The following CNTNAP2 variants were observed in gnomAD, a reference collection of about 807,000 sequenced individuals.
CNTNAP2 encodes contactin associated protein 2, also known as contactin-associated protein-like 2.
Under a neutral mutation model 155.2 loss-of-function variants are expected in CNTNAP2, and 98 were observed. The observed-to-expected ratio is 0.63, with a 90% CI of 0.54 to 0.75. The LOEUF (loss-of-function observed/expected upper bound fraction) is 0.75, where lower values mean the gene tolerates loss of function less well. Among genes scored for constraint, CNTNAP2 ranks in the 30% least tolerant of loss-of-function variants. The pLI, the probability that CNTNAP2 is intolerant of heterozygous loss-of-function variation, is 0.00. For missense variants in CNTNAP2, 1,727 were observed against 1,688.1 expected (o/e 1.02, Z -0.40); for synonymous variants, 651 against 631.2 (o/e 1.03, Z -0.47).
intron 15 of CNTNAP2, among the ~76,000 whole-genome samples, chr7:148,058,445 A>C (rs1803064634): frequency 6.6e-6 from 1 of 152,150 alleles, no homozygotes; most frequent in Non-Finnish European, 1.5e-5. Flanking sequence ...GGCTTGTAGG[A>C]GATGAGGATG....
chr7:147,502,294 C>T (rs1463822280), intron 11 of CNTNAP2, among the ~76,000 whole-genome samples: 1 of 152,124 alleles, frequency 6.6e-6, no homozygotes. Flanking sequence ...CTGGAGGAAT[C>T]ACATACTAAG....
At chr7:146,642,657 C>T (rs1799733018) in intron 1 of CNTNAP2, among the ~76,000 whole-genome samples, 1 of 151,926 alleles carries the variant, frequency 6.6e-6, no homozygotes, top group Non-Finnish European at 1.5e-5. Context: ...GATTTATAGT[C>T]CTTTGGGTAT....
At chr7:148,397,322 A>G (rs142900161) in intron 22 of CNTNAP2, among the ~76,000 whole-genome samples, 35 of 152,316 alleles carry the variant, frequency 2.3e-4, no homozygotes, top group African/African-American at 7.9e-4. Flanking sequence ...ATTGTGAAGC[A>G]ATGGGGACTG....
chr7:147,714,749 G>A (rs911708487), intron 13 of CNTNAP2, among the ~76,000 whole-genome samples: 16 of 151,958 alleles, frequency 1.1e-4, no homozygotes, highest in African/African-American at 3.9e-4. Flanking sequence ...TTTATTAAAT[G>A]TGTAGATATG....
chr7:147,284,531 A>G (rs539274320), intron 8 of CNTNAP2, among the ~76,000 whole-genome samples: 10 of 152,044 alleles, frequency 6.6e-5, no homozygotes, highest in Admixed American at 6.6e-4. Context: ...ACAAATCAAT[A>G]TTTTTAAAAT....
At chr7:146,970,892 T>A (rs1797777514) in intron 3 of CNTNAP2, among the ~76,000 whole-genome samples, 1 of 152,146 alleles carries the variant, frequency 6.6e-6, no homozygotes, top group African/African-American at 2.4e-5. Flanking sequence ...TAAAAAATGA[T>A]GCGTTCATGT....
intron 13 of CNTNAP2, among the ~76,000 whole-genome samples, chr7:147,687,847 A>G (rs1359835392): frequency 1.3e-5 from 2 of 152,140 alleles, no homozygotes; most frequent in Admixed American, 6.6e-5. Context: ...CACCTTCTCT[A>G]TGATAACATC....
rs111837635 is a variant in CNTNAP2 at position 148,222,396 on chromosome 7, C to T, written c.3247+4872C>T. On this transcript the variant is annotated intron_variant, in intron 19 of 23. Coordinates refer to ENST00000361727, the MANE Select transcript of CNTNAP2 (RefSeq NM_014141.6). ...TGAGACAGTGCAGGGCATGACATGG[C>T]GAGGTTAAGCTGCCAGCTCAGGCCT... 3.6e-3 allele frequency among the ~76,000 whole-genome samples: 554 copies of T among 152,224 alleles called. 5 individuals carry two copies. The highest frequency in any genetic ancestry group is 0.013 in the African/African-American group (524 of 41,496).
In CNTNAP2 at chr7:146,972,943, G is replaced by A. The variant is rs115603295; in HGVS notation, c.403-70964G>A. Among the ~76,000 whole-genome samples the A allele has an allele frequency of 8.6e-3, 1,313 of 152,270 alleles. 17 individuals carry two copies. The highest frequency in any genetic ancestry group is 0.03 in the African/African-American group (1,264 of 41,554). On this transcript the variant is annotated intron_variant, in intron 3 of 23. Coordinates refer to ENST00000361727, the MANE Select transcript of CNTNAP2 (RefSeq NM_014141.6). ...TGATTCTGTGCTGTCTAATACCATAGCAACTGGTCACATGTGGCTATTTAA... is the reference window on the plus strand; with the variant it reads ...TGATTCTGTGCTGTCTAATACCATAACAACTGGTCACATGTGGCTATTTAA...
At position 147,415,275 on chromosome 7, in the gene CNTNAP2, T is replaced by C. The variant is rs1797173395; in HGVS notation, c.1670+19495T>C. 2.0e-5 allele frequency among the ~76,000 whole-genome samples: 3 copies of C among 152,324 alleles called. No homozygotes were observed. In the South Asian group the frequency reaches 6.2e-4, roughly 32 times the overall value. ...CACTTAATTTGAAATTTCTTTCTAA[T>C]AGACATGTCTTCTACAGAGATCAGT... On this transcript the variant is annotated intron_variant, in intron 10 of 23. Coordinates refer to ENST00000361727, the MANE Select transcript of CNTNAP2 (RefSeq NM_014141.6).
chr7:148,192,477 T>C lies in CNTNAP2; in HGVS notation c.3010+19999T>C, dbSNP rs1369014911. ...CGCAAGCAAAAATATAATAAAGTAA[T>C]TTTTTCCCCTCCCTCAAAGCCAACT... On this transcript the variant is annotated intron_variant, in intron 18 of 23. Transcript: ENST00000361727. Among the ~76,000 whole-genome samples the C allele has an allele frequency of 4.6e-5, 7 of 151,438 alleles. No individual in the cohort carries two copies. In the East Asian group the frequency reaches 1.2e-3, roughly 25 times the overall value.
intron 9 of CNTNAP2, among the ~76,000 whole-genome samples, chr7:147,371,598 T>C (rs1197095936): frequency 6.6e-6 from 1 of 152,148 alleles, no homozygotes; most frequent in African/African-American, 2.4e-5. Flanking sequence ...TAGTCTTTTG[T>C]AGTGTTGCAG....
At chr7:147,154,842 G>GAA (rs1024012944) in intron 8 of CNTNAP2, among the ~76,000 whole-genome samples, 1 of 146,124 alleles carries the variant, frequency 6.8e-6, no homozygotes, top group African/African-American at 2.5e-5. Flanking sequence ...GTTTCTGATA[G>GAA]AAAAAAAAAA....
intron 10 of CNTNAP2, among the ~76,000 whole-genome samples, chr7:147,439,985 G>T (rs1326093935): frequency 2.0e-5 from 3 of 151,618 alleles, no homozygotes; most frequent in Non-Finnish European, 4.4e-5. Context: ...GTGAAATGTG[G>T]CAACAGATCA....
intron 2 of CNTNAP2, among the ~76,000 whole-genome samples, chr7:146,778,803 T>C (rs1302240610): frequency 2.0e-5 from 3 of 152,234 alleles, no homozygotes; most frequent in Non-Finnish European, 4.4e-5. Flanking sequence ...TTCAACCTTG[T>C]ACTTCATATG....
At chr7:148,242,799 G>A (rs1045695552) in intron 20 of CNTNAP2, among the ~76,000 whole-genome samples, 8 of 152,340 alleles carry the variant, frequency 5.3e-5, no homozygotes, top group African/African-American at 1.9e-4. Context: ...CATGGATTCT[G>A]TGCACATTCA....
chr7:147,687,821 AC>A (rs1276186640), intron 13 of CNTNAP2, among the ~76,000 whole-genome samples: 1 of 152,080 alleles, frequency 6.6e-6, no homozygotes, highest in African/African-American at 2.4e-5. Context: ...AAGTTAGGGT[AC>A]TAAGAGTGAA....
intron 1 of CNTNAP2, among the ~76,000 whole-genome samples, chr7:146,206,746 G>T (rs73739546): frequency 0.01 from 1,576 of 151,904 alleles, 27 homozygotes; most frequent in African/African-American, 0.036. Context: ...TCCATGTTCA[G>T]GTGTTTCTTT....
intron 15 of CNTNAP2, among the ~76,000 whole-genome samples, chr7:148,074,673 G>GC (rs1230253279): frequency 6.7e-6 from 1 of 149,388 alleles, no homozygotes; most frequent in African/African-American, 2.5e-5. Flanking sequence ...GGGCAAAAGA[G>GC]CAAGACTGTC....
Sources: gnomAD v4.1 joint callset for allele counts (sites outside exome capture counted in the v4.1 genomes callset) on GRCh38, gnomAD v4.1.1 for gene constraint, MANE v1.5 for transcripts, NCBI Gene and HGNC (gene_info 2026-07-23, HGNC 2026-07-21) for gene names.